SORCS1: variants seen among roughly 807,000 people sequenced by gnomAD.
SORCS1 encodes the protein VPS10 domain-containing receptor SorCS1.
SORCS1 carries 60 observed loss-of-function variants against 146.1 expected under a neutral mutation model. The observed-to-expected ratio is 0.41, with a 90% CI of 0.33 to 0.51. SORCS1 has a LOEUF of 0.51. Ranked by LOEUF, SORCS1 falls within the 20% of genes least tolerant of loss-of-function variation. The pLI is 0.21. For synonymous variants in SORCS1, 637 were observed against 584.0 expected (o/e 1.09, Z -1.31); for missense variants, 1,352 against 1,487.6 (o/e 0.91, Z 1.50).
In SORCS1 at chr10:106,709,249, C is replaced by T; in HGVS notation, c.1117G>A (p.Val373Ile). The T allele has an allele frequency of 6.2e-7, 1 of 1,613,448 alleles. No homozygotes were observed. The highest frequency in any genetic ancestry group is 8.5e-7 in the Non-Finnish European group (1 of 1,179,630). Residue 373 changes from valine (V) to isoleucine (I), a missense_variant, in exon 7 of 26, where the codon GTT becomes ATT. By Grantham distance (29) the Val-to-Ile change is conservative (BLOSUM62 3). Coordinates refer to ENST00000263054, the MANE Select transcript of SORCS1 (RefSeq NM_052918.5). ...PGYIDPDSLIVQDHYVFVQLT... is the reference protein window; with the variant it reads ...PGYIDPDSLIIQDHYVFVQLT... ...TGAACAAACACATAATGATCCTGAA[C>T]AATCAAAGAGTCTGGGTCAATGTAG...
At chr10:106,630,121 C>T (rs1174635231) in intron 18 of SORCS1, among the ~76,000 whole-genome samples, 2 of 152,168 alleles carry the variant, frequency 1.3e-5, no homozygotes, top group East Asian at 3.9e-4. Flanking sequence ...CACTCCACTT[C>T]CTGTGTCTTC....
chr10:106,793,350 A>C (rs1946406212), intron 3 of SORCS1, among the ~76,000 whole-genome samples: 1 of 152,144 alleles, frequency 6.6e-6, no homozygotes, highest in Non-Finnish European at 1.5e-5. Flanking sequence ...TGGTAATGGC[A>C]AGTTCCTCAG....
chr10:106,749,834 A>T (rs1167532566), intron 5 of SORCS1, among the ~76,000 whole-genome samples: 1 of 152,212 alleles, frequency 6.6e-6, no homozygotes, highest in African/African-American at 2.4e-5. Flanking sequence ...CAATGAGTAT[A>T]CGAGGAAGAT....
At chr10:106,878,650 T>TATATATATATATATATATA (rs1344451408) in intron 2 of SORCS1, among the ~76,000 whole-genome samples, 26 of 66,828 alleles carry the variant, frequency 3.9e-4, no homozygotes, top group East Asian at 2.5e-3. Flanking sequence ...ATATATATAT[T>TATATATATATATATATATA]TTATAGCAGC....
At chr10:106,728,095 G>A (rs1264064669) in intron 6 of SORCS1, among the ~76,000 whole-genome samples, 4 of 151,754 alleles carry the variant, frequency 2.6e-5, no homozygotes, top group African/African-American at 7.3e-5. Flanking sequence ...GCAGTGGTGC[G>A]ATCTCAGCTC....
intron 3 of SORCS1, among the ~76,000 whole-genome samples, chr10:106,777,844 C>T (rs559635567): frequency 1.3e-5 from 2 of 152,170 alleles, no homozygotes; most frequent in Non-Finnish European, 2.9e-5. Context: ...ACCCGTTGAC[C>T]TCTTCCCCAT....
At chr10:107,111,916 G>A (rs1246487978) in intron 1 of SORCS1, among the ~76,000 whole-genome samples, 3 of 152,080 alleles carry the variant, frequency 2.0e-5, no homozygotes, top group East Asian at 3.8e-4. Context: ...ATGGAGTAAG[G>A]TAATATATTC....
At chr10:107,051,581 T>C (rs1051047215) in intron 1 of SORCS1, among the ~76,000 whole-genome samples, 1 of 152,218 alleles carries the variant, frequency 6.6e-6, no homozygotes, top group Non-Finnish European at 1.5e-5. Flanking sequence ...ACTCAGGGGG[T>C]TCATGGATCT....
At chr10:107,084,017 C>T (rs1213631862) in intron 1 of SORCS1, among the ~76,000 whole-genome samples, 1 of 151,636 alleles carries the variant, frequency 6.6e-6, no homozygotes, top group East Asian at 1.9e-4. Context: ...TCACCTAAAA[C>T]TATACAGAAT....
chr10:106,826,882 A>G (rs1948329722), intron 3 of SORCS1, among the ~76,000 whole-genome samples: 1 of 152,176 alleles, frequency 6.6e-6, no homozygotes, highest in Non-Finnish European at 1.5e-5. Flanking sequence ...ATGCACAGGG[A>G]CTTCTCTTTT....
chr10:107,028,810 G>A (rs904639728), intron 1 of SORCS1, among the ~76,000 whole-genome samples: 1 of 152,154 alleles, frequency 6.6e-6, no homozygotes, highest in African/African-American at 2.4e-5. Flanking sequence ...TTTCACTGAA[G>A]GGCATCACAG....
At chr10:107,112,649 T>C (rs546545244) in intron 1 of SORCS1, among the ~76,000 whole-genome samples, 29 of 152,084 alleles carry the variant, frequency 1.9e-4, no homozygotes, top group African/African-American at 5.8e-4. Flanking sequence ...CACTTAAGCC[T>C]TAAGGACAAA....
intron 1 of SORCS1, among the ~76,000 whole-genome samples, chr10:107,067,884 C>T (rs1002746496): frequency 2.0e-5 from 3 of 152,072 alleles, no homozygotes; most frequent in Admixed American, 1.3e-4. Flanking sequence ...CAGAAAGTGC[C>T]TGGCACATTA....
intron 2 of SORCS1, among the ~76,000 whole-genome samples, chr10:106,913,046 G>A (rs923386181): frequency 2.0e-5 from 3 of 150,962 alleles, no homozygotes; most frequent in Non-Finnish European, 4.4e-5. Flanking sequence ...GTGAGCCTGT[G>A]TGATAATGGC....
At chr10:106,992,826 C>A in intron 1 of SORCS1, among the ~76,000 whole-genome samples, 1 of 57,104 alleles carries the variant, frequency 1.8e-5, no homozygotes, top group Non-Finnish European at 3.0e-5. Context: ...TTCTTTCTTT[C>A]TTTTTTTTTT....
intron 2 of SORCS1, among the ~76,000 whole-genome samples, chr10:106,833,029 G>A (rs1948623673): frequency 6.6e-6 from 1 of 152,114 alleles, no homozygotes; most frequent in Non-Finnish European, 1.5e-5. Context: ...GTGGGTGAGT[G>A]GGTGAGTATT....
intron 5 of SORCS1, among the ~76,000 whole-genome samples, chr10:106,747,944 A>G (rs1350814518): frequency 6.6e-6 from 1 of 152,176 alleles, no homozygotes; most frequent in Non-Finnish European, 1.5e-5. Context: ...AAATGAATAA[A>G]TAATGCCACC....
chr10:106,584,621 A>AT (rs1845113867), intron 24 of SORCS1, among the ~76,000 whole-genome samples: 1 of 152,220 alleles, frequency 6.6e-6, no homozygotes, highest in East Asian at 1.9e-4. Flanking sequence ...CCTTCACCCC[A>AT]TAAAAGCCTC....
chr10:106,734,971 C>T (rs905381355), intron 5 of SORCS1, among the ~76,000 whole-genome samples: 1 of 151,910 alleles, frequency 6.6e-6, no homozygotes, highest in Non-Finnish European at 1.5e-5. Flanking sequence ...CATGGCAAAA[C>T]CCCGTCTCTA....
Sources: allele counts gnomAD v4.1 joint callset (sites outside exome capture counted in the v4.1 genomes callset), GRCh38; gene constraint gnomAD v4.1.1; transcripts MANE v1.5; gene names NCBI Gene and HGNC (gene_info 2026-07-23, HGNC 2026-07-21).